The following PAK4 variants were observed in gnomAD, a reference collection of about 807,000 sequenced individuals.
PAK4 encodes the protein serine/threonine-protein kinase PAK 4.
PAK4 carries 49 observed loss-of-function variants against 53.5 expected under a neutral mutation model. The ratio of observed to expected loss-of-function variants is 0.92; its 90% CI spans 0.73 to 1.16. The LOEUF is 1.16. Ranked by LOEUF, PAK4 falls within the 50% of genes most tolerant of loss-of-function variation. The pLI, the probability that PAK4 is intolerant of heterozygous loss-of-function variation, is 0.00. For synonymous variants in PAK4, 376 were observed against 375.6 expected (o/e 1.00, Z -0.01); for missense variants, 824 against 850.7 (o/e 0.97, Z 0.39).
At chr19:39,157,287 T>G (rs2074201926) in intron 1 of PAK4, among the ~76,000 whole-genome samples, 2 of 151,988 alleles carry the variant, frequency 1.3e-5, no homozygotes, top group Non-Finnish European at 2.9e-5. Context: ...TGTCCTGGGG[T>G]GCAGTGCGGC....
chr19:39,176,965 T>G (rs2074618795), intron 7 of PAK4, among the ~76,000 whole-genome samples: 1 of 151,346 alleles, frequency 6.6e-6, no homozygotes, highest in Admixed American at 6.6e-5. Context: ...ACCTCCCGGG[T>G]TCAAGCGATT....
chr19:39,128,399 G>A (rs2073632044), intron 1 of PAK4, among the ~76,000 whole-genome samples: 1 of 152,156 alleles, frequency 6.6e-6, no homozygotes, highest in African/African-American at 2.4e-5. Flanking sequence ...CAGGGTCAGG[G>A]AGCCGGCACA....
intron 7 of PAK4, 110 bp downstream of exon 8, chr19:39,176,825 A>ATG: frequency 7.4e-7 from 1 of 1,343,858 alleles, no homozygotes; most frequent in Non-Finnish European, 1.0e-6. Flanking sequence ...ATTGCCAGGA[A>ATG]TGGTGCTCTG....
At chr19:39,139,473 C>G (rs2073875380) in intron 1 of PAK4, among the ~76,000 whole-genome samples, 1 of 152,144 alleles carries the variant, frequency 6.6e-6, no homozygotes, top group Non-Finnish European at 1.5e-5. Flanking sequence ...CCAGGAACAC[C>G]TCATGGGAGT....
At position 39,178,187 on chromosome 19, in the gene PAK4, T is replaced by G. The variant is rs935972860; in HGVS notation, c.1621-237T>G. Among the ~76,000 whole-genome samples, 6 of 152,018 alleles carry G rather than the reference T, an allele frequency of 3.9e-5. No individual in the cohort carries two copies. The highest frequency in any genetic ancestry group is 8.8e-5 in the Non-Finnish European group (6 of 67,978). On this transcript the variant is annotated intron_variant, in intron 8 of 8. Coordinates refer to ENST00000358301, the Ensembl canonical transcript of PAK4. This position sits in a 1 kb window ranked among gnomAD's most constrained non-coding sequence, Gnocchi z 4.4. ...CTTGCTAAACCATGGAAATAGGGAG[T>G]ACATGAGCCCCCAGGGTTTGTCACT...
At chr19:39,151,793 G>A (rs1234909047) in intron 1 of PAK4, among the ~76,000 whole-genome samples, 1 of 152,164 alleles carries the variant, frequency 6.6e-6, no homozygotes, top group Non-Finnish European at 1.5e-5. Flanking sequence ...ATTTTTTTGA[G>A]ATGGACTCTC....
At position 39,178,572 on chromosome 19, in the gene PAK4, C is replaced by G. The variant is rs746243695; in HGVS notation, c.1769C>G (p.Thr590Ser). The G allele has an allele frequency of 2.5e-6, 4 of 1,592,642 alleles. No homozygotes were observed. Among genetic ancestry groups the G allele is most frequent in the Non-Finnish European group, 3.4e-6 (4 of 1,167,322 alleles). ...GTGCCCCTCATGCGCCAGAACCGCA[C>G]CAGATGAGGCCCAGCGCCCTTCCCC... The change falls in exon 9 of 9, where the codon ACC (threonine) becomes AGC (serine). Residue 590 changes from threonine (T) to serine (S), a missense_variant. Physicochemically the swap from Thr to Ser is moderately conservative, Grantham distance 58. Transcript: ENST00000358301. The surrounding 1 kb of genome is among the most constrained non-coding windows in gnomAD (Gnocchi z 4.4).
chr19:39,130,155 GT>G, intron 1 of PAK4, among the ~76,000 whole-genome samples: 1 of 150,876 alleles, frequency 6.6e-6, no homozygotes, highest in Non-Finnish European at 1.5e-5. Flanking sequence ...AGGGGTCAGG[GT>G]GGGGTGGTGG....
chr19:39,176,632 G>C lies in PAK4; in HGVS notation c.1402G>C (p.Glu468Gln), dbSNP rs1357213223. Residue 468 changes from glutamate (E) to glutamine (Q), a missense_variant, in exon 7 of 9, where the codon GAA becomes CAA. This residue lies in a region of PAK4 where 346 missense variants were observed against 415.0 expected (regional missense o/e 0.83). Transcript: ENST00000358301. ...TGGGTTCTGCGCCCAGGTGAGCAAG[G>C]AAGTGCCCCGAAGGAAGTCGCTGGT... The C allele has an allele frequency of 2.5e-6, 4 of 1,613,820 alleles. No homozygotes were observed. The South Asian group carries it at 4.4e-5, about 18-fold the overall frequency.
At chr19:39,153,355 T>G (rs1428246887) in intron 1 of PAK4, among the ~76,000 whole-genome samples, 1 of 152,212 alleles carries the variant, frequency 6.6e-6, no homozygotes, top group Non-Finnish European at 1.5e-5. Flanking sequence ...ACCTTCTGGG[T>G]TCAAGCAATT....
At chr19:39,135,372 G>A (rs1034154272) in intron 1 of PAK4, among the ~76,000 whole-genome samples, 4 of 116,542 alleles carry the variant, frequency 3.4e-5, no homozygotes, top group African/African-American at 1.4e-4. Flanking sequence ...GCCTTGCTCT[G>A]TCACCAGGGC....
At chr19:39,156,893 T>G (rs2074193137) in intron 1 of PAK4, 1 of 152,286 alleles carries the variant, frequency 6.6e-6, no homozygotes, top group South Asian at 2.1e-4. Flanking sequence ...AGGGCTAGAC[T>G]GGCTGCCAGG....
At chr19:39,169,991 C>T (rs1218955986) in intron 2 of PAK4, among the ~76,000 whole-genome samples, 1 of 152,040 alleles carries the variant, frequency 6.6e-6, no homozygotes, top group Non-Finnish European at 1.5e-5. Context: ...CACGGCCCAT[C>T]TGACAGCCCC....
chr19:39,162,275 T>C (rs2074297103), intron 1 of PAK4, among the ~76,000 whole-genome samples: 1 of 151,424 alleles, frequency 6.6e-6, no homozygotes, highest in Non-Finnish European at 1.5e-5. Context: ...ATTCTTATTT[T>C]TGAGACAAGG....
intron 1 of PAK4, among the ~76,000 whole-genome samples, chr19:39,166,701 T>C (rs1300536698): frequency 6.8e-6 from 1 of 146,764 alleles, no homozygotes; most frequent in African/African-American, 2.5e-5. Flanking sequence ...GCCCCCACCC[T>C]TCCCTCCCTG....
intron 1 of PAK4, 94 bp from the exon 3 acceptor site, chr19:39,169,438 C>A: frequency 1.1e-6 from 1 of 897,392 alleles, no homozygotes; most frequent in Non-Finnish European, 1.8e-6. Context: ...CTGTTGGTCC[C>A]GGTGTAAGAT....
chr19:39,131,886 A>C (rs1167112686), intron 1 of PAK4, among the ~76,000 whole-genome samples: 1 of 152,114 alleles, frequency 6.6e-6, no homozygotes, highest in Non-Finnish European at 1.5e-5. Flanking sequence ...TGTTACAGGG[A>C]GTATTGGTGG....
At chr19:39,157,726 C>T (rs1273920922) in intron 1 of PAK4, among the ~76,000 whole-genome samples, 2 of 152,264 alleles carry the variant, frequency 1.3e-5, no homozygotes, top group Non-Finnish European at 2.9e-5. Flanking sequence ...CGGGCCGCCG[C>T]GAGGTGCTCA....
chr19:39,149,516 G>T (rs1387621036), intron 1 of PAK4, among the ~76,000 whole-genome samples: 1 of 152,098 alleles, frequency 6.6e-6, no homozygotes, highest in Non-Finnish European at 1.5e-5. Context: ...AGCCTAAGAG[G>T]TTGAGTTCAG....
Sources: gnomAD v4.1 joint callset for allele counts (sites outside exome capture counted in the v4.1 genomes callset) on GRCh38, gnomAD v4.1.1 for gene constraint, gnomAD v4.1.1 regional missense constraint, Gnocchi (gnomAD v3.1) non-coding constraint, MANE v1.5 for transcripts, NCBI Gene and HGNC (gene_info 2026-07-23, HGNC 2026-07-21) for gene names.